Variants in STOX2 observed in about 807,000 individuals in gnomAD.
STOX2 encodes the protein storkhead box 2, also known as storkhead-box protein 2.
A neutral mutation model predicts 60.9 loss-of-function variants in STOX2; 28 were observed. That is an observed-to-expected ratio of 0.46 (90% CI 0.34 to 0.63). The LOEUF is 0.63. Among genes scored for constraint, STOX2 ranks in the 30% least tolerant of loss-of-function variants. The pLI is 0.01. For synonymous variants in STOX2, 472 were observed against 463.9 expected, an observed-to-expected ratio of 1.02 and a Z score of -0.22; for missense variants, 1,024 against 1,187.7, an observed-to-expected ratio of 0.86 and a Z score of 2.03.
rs1169060743 is a variant in STOX2, at chr4:184,022,558, G to T, written c.*5274G>T. 2 of 152,092 alleles carry T rather than the reference G, an allele frequency of 1.3e-5. No homozygotes were observed. The highest frequency in any genetic ancestry group is 2.9e-5 in the Non-Finnish European group (2 of 68,060). 9.4% of individuals were successfully genotyped at this position (152,092 alleles called of 1,614,324 possible). ...ACACACACACACACATCATGCCAAG[G>T]AGGGAATGGGGTGTTTCAAGTCAGG... On this transcript the variant is annotated 3_prime_UTR_variant, in exon 4 of 4. Transcript: ENST00000308497.
At chr4:183,798,823 C>T (rs1738693486) in intron 1 of STOX2, 1 of 962,884 alleles carries the variant, frequency 1.0e-6, no homozygotes, top group African/African-American at 1.9e-5. Context: ...TATTGCACTA[C>T]TTCATTTCCC....
chr4:183,876,935 A>G (rs988457477), intron 1 of STOX2, among the ~76,000 whole-genome samples: 1 of 152,182 alleles, frequency 6.6e-6, no homozygotes, highest in Admixed American at 6.5e-5. Flanking sequence ...ATCCTGGAAC[A>G]TGGCCGTGCC....
rs1734636845 is a variant in STOX2, at chr4:184,022,722, C to T, written c.*5438C>T. 4 of 151,222 alleles carry T rather than the reference C, an allele frequency of 2.6e-5. No individual in the cohort carries two copies. Among genetic ancestry groups the T allele is most frequent in the Admixed American group, 6.6e-5 (1 of 15,206 alleles). The allele number at this position is 151,222 out of a possible 1,614,324, so 9.4% of individuals were successfully genotyped here. A position where few individuals can be genotyped will look rare whatever the true frequency, so the allele number is the denominator to read the frequency against. ...CTCCAATATCTGTCCTCTGCAGTTC[C>T]GGGAAACTAATCATGAAGTACACAT... On this transcript the variant is annotated 3_prime_UTR_variant, in exon 4 of 4. Coordinates refer to ENST00000308497, the MANE Select transcript of STOX2 (RefSeq NM_020225.3).
rs1006996701 is a variant in STOX2 at position 183,803,763 on chromosome 4, G to A, written c.364+5708G>A. On this transcript the variant is annotated intron_variant, in intron 1 of 2. Coordinates refer to the STOX2 transcript ENST00000513034. The stretch of plus-strand genomic sequence containing the variant: ...GGGCCACCTGAGGTCAGGACTTTGA[G>A]ACCAGCCTGGCCAACATGGTGAAAC... Among the ~76,000 whole-genome samples the A allele has an allele frequency of 4.6e-5, 7 of 152,276 alleles. No homozygotes were observed. The East Asian group carries it at 1.2e-3, about 25-fold the overall frequency.
At chr4:183,864,321 A>AT (rs1226556212) in intron 1 of STOX2, among the ~76,000 whole-genome samples, 1 of 152,176 alleles carries the variant, frequency 6.6e-6, no homozygotes, top group Non-Finnish European at 1.5e-5. Flanking sequence ...CCTACTTTGG[A>AT]TTAAAAAAAC....
intron 1 of STOX2, among the ~76,000 whole-genome samples, chr4:183,889,656 C>T (rs532724404): frequency 2.7e-4 from 41 of 152,344 alleles, no homozygotes; most frequent in Middle Eastern, 6.8e-3. Context: ...GCAGCAACTT[C>T]GAGTCAGAGG....
intron 1 of STOX2, among the ~76,000 whole-genome samples, chr4:183,880,969 C>T (rs748450577): frequency 1.3e-4 from 20 of 152,108 alleles, no homozygotes; most frequent in Non-Finnish European, 1.9e-4. Context: ...AAGCTGTTAA[C>T]GTCTGTCTCA....
In STOX2 at chr4:183,951,711, A is replaced by G. The variant is rs190174721; in HGVS notation, c.166+44755A>G. 9.9e-3 allele frequency among the ~76,000 whole-genome samples: 1,506 copies of G among 152,154 alleles called. 27 individuals carry two copies. The highest frequency in any genetic ancestry group is 0.035 in the African/African-American group (1,448 of 41,522). ...TCCCAGCACTTTGGGAAGCCAAGGC[A>G]GGCAGATCACAAGGTCAGGAGTTCG... On this transcript the variant is annotated intron_variant, in intron 1 of 3. Coordinates refer to ENST00000308497, the MANE Select transcript of STOX2 (RefSeq NM_020225.3).
At chr4:183,895,873 CTGT>C (rs1741328830) in intron 1 of STOX2, among the ~76,000 whole-genome samples, 1 of 152,108 alleles carries the variant, frequency 6.6e-6, no homozygotes, top group South Asian at 2.1e-4. Context: ...AGGAAGGGCA[CTGT>C]TGTTATATAA....
chr4:183,829,962 A>G (rs1579311424), intron 1 of STOX2, among the ~76,000 whole-genome samples: 2 of 152,338 alleles, frequency 1.3e-5, no homozygotes, highest in African/African-American at 2.4e-5. Context: ...GAAGATGGCC[A>G]TTACTGGGCC....
At chr4:183,878,405 C>T (rs999574002) in intron 1 of STOX2, among the ~76,000 whole-genome samples, 5 of 152,080 alleles carry the variant, frequency 3.3e-5, no homozygotes, top group African/African-American at 9.7e-5. Flanking sequence ...GTTTTGGCCA[C>T]GGAAAAGCAG....
At chr4:183,958,849 C>G (rs570674381) in intron 1 of STOX2, among the ~76,000 whole-genome samples, 11 of 152,306 alleles carry the variant, frequency 7.2e-5, no homozygotes, top group African/African-American at 2.4e-4. Flanking sequence ...TCCTAACTCT[C>G]TCAGTGGGTG....
At chr4:183,938,663 C>T (rs1460849171) in intron 1 of STOX2, among the ~76,000 whole-genome samples, 5 of 109,042 alleles carry the variant, frequency 4.6e-5, no homozygotes, top group South Asian at 3.2e-4. Flanking sequence ...AGTGAGACTC[C>T]GTCTCCAAAA....
Position 183,990,409 on chromosome 4 carries a change from A to C in STOX2, c.167-10916A>C, listed in dbSNP as rs150425000. On this transcript the variant is annotated intron_variant, in intron 1 of 3. Coordinates refer to ENST00000308497, the MANE Select transcript of STOX2 (RefSeq NM_020225.3). ...CAATGTGTATATTTCATGATGCTTT[A>C]TATTTTCACACATGTATATCTTATA... Among the ~76,000 whole-genome samples, 437 of 152,218 alleles carry C rather than the reference A, an allele frequency of 2.9e-3. 1 individual carries two copies. Among genetic ancestry groups the C allele is most frequent in the Non-Finnish European group, 5.4e-3 (369 of 68,014 alleles).
chr4:183,820,553 A>G (rs1282288928), intron 1 of STOX2, among the ~76,000 whole-genome samples: 3 of 152,166 alleles, frequency 2.0e-5, no homozygotes, highest in Admixed American at 6.5e-5. Context: ...AAATGTATCA[A>G]TTTATTCTTT....
rs1353464226 is a variant in STOX2, at chr4:183,851,193, AATGAGAGAAACGATGGAAAGG to A, written c.364+53154_364+53174del. On this transcript the variant is annotated intron_variant, in intron 1 of 2. Coordinates refer to the STOX2 transcript ENST00000513034. ...GGATGAGGGAAAGGATGAGAAAAAG[AATGAGAGAAACGATGGAAAGG>A]ATGAGAGAAACGATGAGGGAAAGGA... Among the ~76,000 whole-genome samples the A allele has an allele frequency of 1.6e-3, 96 of 58,328 alleles. 6 individuals carry two copies. Among genetic ancestry groups the A allele is most frequent in the African/African-American group, 5.1e-3 (78 of 15,320 alleles). The allele number at this position is 58,328 out of a possible 152,430, so 38.3% of individuals were successfully genotyped here.
chr4:183,936,398 G>T (rs1400505497), intron 1 of STOX2, among the ~76,000 whole-genome samples: 1 of 149,542 alleles, frequency 6.7e-6, no homozygotes, highest in Non-Finnish European at 1.5e-5. Context: ...CTCCTGTAAG[G>T]TTTTTGCATA....
intron 1 of STOX2, among the ~76,000 whole-genome samples, chr4:183,977,946 C>G (rs971689542): frequency 6.6e-6 from 1 of 151,972 alleles, no homozygotes; most frequent in Non-Finnish European, 1.5e-5. Context: ...AATGGGGTTA[C>G]TTGTTTCTTT....
Position 184,018,918 on chromosome 4 carries a change from A to G in STOX2, c.*1634A>G, listed in dbSNP as rs780898925. 2.0e-5 allele frequency: 3 copies of G among 152,232 alleles called. No individual in the cohort carries two copies. The highest frequency in any genetic ancestry group is 2.9e-5 in the Non-Finnish European group (2 of 68,032). 9.4% of individuals were successfully genotyped at this position (152,232 alleles called of 1,614,324 possible). ...CATGTGCTGTTGGGAGCCATACACC[A>G]TAAAATATATATATCCCAAAATAAA... On this transcript the variant is annotated 3_prime_UTR_variant, in exon 4 of 4. Coordinates refer to ENST00000308497, the MANE Select transcript of STOX2 (RefSeq NM_020225.3).
Sources: allele counts gnomAD v4.1 joint callset (sites outside exome capture counted in the v4.1 genomes callset), GRCh38; gene constraint gnomAD v4.1.1; transcripts MANE v1.5; gene names NCBI Gene and HGNC (gene_info 2026-07-23, HGNC 2026-07-21).